ASTN2: variants seen among roughly 807,000 people sequenced by gnomAD.
The protein encoded by ASTN2 is astrotactin 2.
ASTN2 carries 54 observed loss-of-function variants against 139.8 expected under a neutral mutation model. The observed-to-expected ratio is 0.39, with a 90% confidence interval of 0.31 to 0.48. The LOEUF (loss-of-function observed/expected upper bound fraction) is 0.48, where lower values mean the gene tolerates loss of function less well. ASTN2 is among the 20% of genes least tolerant of loss of function. The pLI, the probability that ASTN2 is intolerant of heterozygous loss-of-function variation, is 0.95. For synonymous variants in ASTN2, 756 were observed against 719.5 expected (o/e 1.05, Z -0.81); for missense variants, 1,565 against 1,725.1 (o/e 0.91, Z 1.64).
intron 20 of ASTN2, among the ~76,000 whole-genome samples, chr9:116,454,821 T>A (rs1361314960): frequency 6.6e-6 from 1 of 151,988 alleles, no homozygotes; most frequent in South Asian, 2.1e-4. Flanking sequence ...TTCTCACTCA[T>A]AGGTGGGAAT....
intron 10 of ASTN2, among the ~76,000 whole-genome samples, chr9:116,869,104 G>A (rs1403954487): frequency 1.3e-5 from 2 of 152,124 alleles, no homozygotes; most frequent in Non-Finnish European, 1.5e-5. Flanking sequence ...AGAATTGCTT[G>A]AACCTGGGAG....
chr9:116,488,554 A>G (rs1429357798), intron 19 of ASTN2, among the ~76,000 whole-genome samples: 1 of 152,240 alleles, frequency 6.6e-6, no homozygotes, highest in East Asian at 1.9e-4. Flanking sequence ...AGAAATGGCT[A>G]TATCAATTGA....
chr9:117,226,770 C>A (rs1170177689), intron 2 of ASTN2, among the ~76,000 whole-genome samples: 1 of 152,208 alleles, frequency 6.6e-6, no homozygotes, highest in Non-Finnish European at 1.5e-5. Flanking sequence ...TGTTTGTCTG[C>A]TGCATGCTGC....
At chr9:116,917,406 G>A (rs1334743596) in intron 10 of ASTN2, among the ~76,000 whole-genome samples, 4 of 152,026 alleles carry the variant, frequency 2.6e-5, no homozygotes, top group Admixed American at 6.6e-5. Context: ...TGAGCCCCCC[G>A]TTCCATGCAC....
chr9:116,681,798 G>A (rs1859884527), intron 16 of ASTN2, among the ~76,000 whole-genome samples: 2 of 151,990 alleles, frequency 1.3e-5, no homozygotes, highest in Non-Finnish European at 2.9e-5. Flanking sequence ...TTAATAAATG[G>A]TGCTGGGAAA....
chr9:116,727,903 A>G (rs1324474561), intron 15 of ASTN2, among the ~76,000 whole-genome samples: 3 of 152,228 alleles, frequency 2.0e-5, no homozygotes, highest in Non-Finnish European at 4.4e-5. Flanking sequence ...GATGTCAGCA[A>G]TAATTACTAT....
chr9:117,318,398 C>A (rs564585763), intron 1 of ASTN2, among the ~76,000 whole-genome samples: 1 of 152,144 alleles, frequency 6.6e-6, no homozygotes, highest in African/African-American at 2.4e-5. Flanking sequence ...ATGACCACAG[C>A]GATCTTAGAG....
intron 13 of ASTN2, among the ~76,000 whole-genome samples, chr9:116,773,900 A>G (rs1370198945): frequency 6.6e-6 from 1 of 152,180 alleles, no homozygotes; most frequent in Non-Finnish European, 1.5e-5. Context: ...ATTGTTCCCA[A>G]ATTAGCCCTA....
At chr9:117,315,404 C>G (rs1233201325) in intron 1 of ASTN2, among the ~76,000 whole-genome samples, 1 of 152,158 alleles carries the variant, frequency 6.6e-6, no homozygotes, top group Non-Finnish European at 1.5e-5. Flanking sequence ...TTTGCCAGCC[C>G]TCTCCCAGCC....
chr9:117,048,963 C>CTTTTTTTTTTTTTTTTTTTTTTTTTT lies in ASTN2; in HGVS notation c.1277-8999_1277-8998insAAAAAAAAAAAAAAAAAAAAAAAAAA, dbSNP rs372277811. 1.5e-4 allele frequency among the ~76,000 whole-genome samples: 13 copies of CTTTTTTTTTTTTTTTTTTTTTTTTTT among 89,024 alleles called. 2 individuals are homozygous for CTTTTTTTTTTTTTTTTTTTTTTTTTT. Among genetic ancestry groups the CTTTTTTTTTTTTTTTTTTTTTTTTTT allele is most frequent in the Non-Finnish European group, 2.5e-4 (11 of 44,258 alleles). 58.4% of individuals were successfully genotyped at this position (89,024 alleles called of 152,430 possible). On this transcript the variant is annotated intron_variant, in intron 5 of 22. Transcript: ENST00000313400. ...GTGCGCTCTGATTCTTCATCCATTG[C>CTTTTTTTTTTTTTTTTTTTTTTTTTT]TTTTTTTTTTTTTTTTTGAGACGGA... is the stretch of plus-strand genomic sequence containing the variant.
intron 19 of ASTN2, among the ~76,000 whole-genome samples, chr9:116,525,044 T>C (rs1851032633): frequency 6.6e-6 from 1 of 152,200 alleles, no homozygotes; most frequent in Non-Finnish European, 1.5e-5. Flanking sequence ...TGAAACTTCC[T>C]AGAGACTTGT....
rs199622984 is a variant in ASTN2 at position 116,609,322 on chromosome 9, C to CTATA, written c.3355+9001_3355+9002insTATA. On this transcript the variant is annotated intron_variant, in intron 19 of 22. Transcript: ENST00000313400. ...TCTCTCTCTCTCTCTCTCTCTCTCT[C>CTATA]TCTCTCTATATATATATACACACAC... Among the ~76,000 whole-genome samples, 227 of 105,614 alleles carry CTATA rather than the reference C, an allele frequency of 2.1e-3. 2 individuals are homozygous for CTATA. Among genetic ancestry groups the CTATA allele is most frequent in the South Asian group, 0.021 (64 of 3,068 alleles). 69.3% of individuals were successfully genotyped at this position (105,614 alleles called of 152,430 possible). A position where few individuals can be genotyped will look rare whatever the true frequency, so the allele number is the denominator to read the frequency against.
chr9:116,729,014 G>C lies in ASTN2; in HGVS notation c.2604C>G (p.Leu868=). 1 of 1,585,602 alleles carries C rather than the reference G, an allele frequency of 6.3e-7. No homozygotes were observed. The highest frequency in any genetic ancestry group is 8.6e-7 in the Non-Finnish European group (1 of 1,164,758). The change falls in exon 15 of 23, where the codon CTC becomes CTG. Residue 868 remains leucine (L), a synonymous_variant. Transcript: ENST00000313400. ...CACCTGCTGCGAGGGTGATGGTGCT[G>C]AGCTTCACACGGTAGAGGTTGCTCC... ...RVRSNLYRVK[L]STITLAAGFT...
At chr9:117,197,291 T>C (rs1204750792) in intron 3 of ASTN2, 1 of 152,246 alleles carries the variant, frequency 6.6e-6, no homozygotes. Context: ...AGAGGATGAC[T>C]GGTCTTTAGT....
At chr9:116,862,056 C>T (rs74440437) in intron 11 of ASTN2, among the ~76,000 whole-genome samples, 3,038 of 136,770 alleles carry the variant, frequency 0.022, 53 homozygotes, top group South Asian at 0.042. Context: ...ACTAAAATTT[C>T]TAATTGCCCA....
At chr9:117,322,952 A>C (rs1828381164) in intron 1 of ASTN2, among the ~76,000 whole-genome samples, 1 of 152,162 alleles carries the variant, frequency 6.6e-6, no homozygotes, top group South Asian at 2.1e-4. Flanking sequence ...TGAAATAAGA[A>C]CAATAATTTT....
At chr9:116,548,302 G>A (rs12682684) in intron 19 of ASTN2, among the ~76,000 whole-genome samples, 42,123 of 152,034 alleles carry the variant, frequency 0.28, 6,783 homozygotes, top group Admixed American at 0.42. Flanking sequence ...CAGGAGGCTT[G>A]GTTCTGGTTC....
intron 7 of ASTN2, among the ~76,000 whole-genome samples, chr9:116,980,957 C>T (rs1836495557): frequency 6.6e-6 from 1 of 152,136 alleles, no homozygotes; most frequent in Non-Finnish European, 1.5e-5. Flanking sequence ...ACCATGCTGA[C>T]TGTGAACTCC....
chr9:117,053,786 C>T (rs890458885), intron 5 of ASTN2, among the ~76,000 whole-genome samples: 1 of 152,218 alleles, frequency 6.6e-6, no homozygotes, highest in Non-Finnish European at 1.5e-5. Context: ...AGACTCTGTC[C>T]TTTCCTGGAT....
Sources: allele counts gnomAD v4.1 joint callset (sites outside exome capture counted in the v4.1 genomes callset), GRCh38; gene constraint gnomAD v4.1.1; transcripts MANE v1.5; gene names NCBI Gene and HGNC (gene_info 2026-07-23, HGNC 2026-07-21).